The following CHST15 variants were observed in gnomAD, a reference collection of about 807,000 sequenced individuals.
CHST15 encodes carbohydrate sulfotransferase 15, also known as B cell RAG associated protein (GALNAC4S-6ST).
A neutral mutation model predicts 53.6 loss-of-function variants in CHST15; 30 were observed. That is an observed-to-expected ratio of 0.56 (90% confidence interval 0.42 to 0.76). CHST15 has a LOEUF of 0.76. Among genes scored for constraint, CHST15 ranks in the 30% least tolerant of loss-of-function variants. The pLI, the probability that CHST15 is intolerant of heterozygous loss-of-function variation, is 0.00. For synonymous variants in CHST15, 296 were observed against 289.8 expected (o/e 1.02, Z -0.22); for missense variants, 627 against 740.5 (o/e 0.85, Z 1.78).
At chr10:124,014,558 G>A (rs890792297) in intron 6 of CHST15, among the ~76,000 whole-genome samples, 41 of 152,170 alleles carry the variant, frequency 2.7e-4, no homozygotes, top group Admixed American at 7.2e-4. Flanking sequence ...ATAAACATGT[G>A]TTGTCACCTC....
chr10:124,050,527 C>T (rs1432367957), intron 1 of CHST15, among the ~76,000 whole-genome samples: 1 of 152,212 alleles, frequency 6.6e-6, no homozygotes, highest in East Asian at 1.9e-4. Flanking sequence ...TGGCCCCCAC[C>T]CACTGGATGC....
intron 1 of CHST15, among the ~76,000 whole-genome samples, chr10:124,085,821 T>C (rs930278681): frequency 7.9e-5 from 12 of 152,042 alleles, no homozygotes; most frequent in African/African-American, 2.4e-5. Context: ...ATAGCAAGAA[T>C]GACTGGCAAA....
In CHST15 at chr10:124,009,600, T is replaced by A; in HGVS notation, c.*549A>T. The A allele has an allele frequency of 1.0e-6, 1 of 990,138 alleles. No homozygotes were observed. The highest frequency in any genetic ancestry group is 1.2e-6 in the Non-Finnish European group (1 of 832,612). 61.3% of individuals were successfully genotyped at this position (990,138 alleles called of 1,614,324 possible). A position where few individuals can be genotyped will look rare whatever the true frequency, so the allele number is the denominator to read the frequency against. ...ACTGCGGTTCTCTGTCCCAGTGAGG[T>A]TAGCGATCGCAACAAGAGTGTTTCA... On this transcript the variant is annotated 3_prime_UTR_variant, in exon 8 of 8. Coordinates refer to ENST00000435907, the MANE Select transcript of CHST15 (RefSeq NM_001270764.2).
Position 124,009,055 on chromosome 10 carries a change from T to G in CHST15, c.*1094A>C, listed in dbSNP as rs1191787054. On this transcript the variant is annotated 3_prime_UTR_variant, in exon 8 of 8. Transcript: ENST00000435907. ...GACACGAGTATCTATAGTCCCTTGCTGGGTGAGGAACTTTGACCACACGCA... is the reference window on the plus strand; with the variant it reads ...GACACGAGTATCTATAGTCCCTTGCGGGGTGAGGAACTTTGACCACACGCA... 2.3e-6 allele frequency: 3 copies of G among 1,287,358 alleles called. No individual in the cohort carries two copies. The highest frequency in any genetic ancestry group is 3.0e-6 in the Non-Finnish European group (3 of 987,276). 79.7% of individuals were successfully genotyped at this position (1,287,358 alleles called of 1,614,324 possible).
intron 1 of CHST15, among the ~76,000 whole-genome samples, chr10:124,077,922 A>G (rs1949127495): frequency 6.6e-6 from 1 of 152,192 alleles, no homozygotes; most frequent in Non-Finnish European, 1.5e-5. Flanking sequence ...ATTAAAATAC[A>G]CCAGAGCATA....
chr10:124,082,719 T>C (rs1481753385), intron 1 of CHST15, among the ~76,000 whole-genome samples: 1 of 152,192 alleles, frequency 6.6e-6, no homozygotes. Flanking sequence ...ATCCCTGCGA[T>C]GGAATATTAT....
chr10:124,035,080 G>T (rs2133941357), intron 5 of CHST15, among the ~76,000 whole-genome samples: 4 of 132,614 alleles, frequency 3.0e-5, no homozygotes, highest in South Asian at 2.6e-4. Context: ...CCCTAACAGG[G>T]ACGCCGGCTC....
intron 1 of CHST15, among the ~76,000 whole-genome samples, chr10:124,062,450 G>C (rs562584061): frequency 2.4e-4 from 37 of 152,226 alleles, no homozygotes; most frequent in African/African-American, 8.7e-4. Flanking sequence ...GTGTGCCCTC[G>C]GGCAAACTGC....
Position 124,036,143 on chromosome 10 carries a change from G to A in CHST15, c.1190+2372C>T, listed in dbSNP as rs1284009508. 1.3e-5 allele frequency among the ~76,000 whole-genome samples: 2 copies of A among 152,254 alleles called. No individual in the cohort carries two copies. Among genetic ancestry groups the A allele is most frequent in the African/African-American group, 4.8e-5 (2 of 41,466 alleles). ...CGCCCTTCAGCTGGGGGCCGTGTCGGGGAGGGAGGCAGAGCAGCTATGCAA... is the reference window on the plus strand; with the variant it reads ...CGCCCTTCAGCTGGGGGCCGTGTCGAGGAGGGAGGCAGAGCAGCTATGCAA... On this transcript the variant is annotated intron_variant, in intron 5 of 7. Transcript: ENST00000435907. This position sits in a 1 kb window ranked among gnomAD's most constrained non-coding sequence, Gnocchi z 5.1.
In CHST15 at chr10:124,009,343, T is replaced by G; in HGVS notation, c.*806A>C. 5.8e-6 allele frequency: 6 copies of G among 1,034,654 alleles called. No homozygotes were observed. Among genetic ancestry groups the G allele is most frequent in the Non-Finnish European group, 7.0e-6 (6 of 857,164 alleles). 64.1% of individuals were successfully genotyped at this position (1,034,654 alleles called of 1,614,324 possible). ...GAGGCAGCAGAGAGAGAGCCAGGACTGGTTAAATGCAGAAAGTGGTTTTGT... is the reference window on the plus strand; with the variant it reads ...GAGGCAGCAGAGAGAGAGCCAGGACGGGTTAAATGCAGAAAGTGGTTTTGT... On this transcript the variant is annotated 3_prime_UTR_variant, in exon 8 of 8. Transcript: ENST00000435907.
chr10:124,091,951 C>T (rs888809586), intron 1 of CHST15, among the ~76,000 whole-genome samples: 1 of 152,090 alleles, frequency 6.6e-6, no homozygotes, highest in Non-Finnish European at 1.5e-5. Context: ...ACCCGGACAG[C>T]GACGGGGAGG....
At chr10:124,084,550 A>G (rs1949359495) in intron 1 of CHST15, among the ~76,000 whole-genome samples, 2 of 152,160 alleles carry the variant, frequency 1.3e-5, no homozygotes, top group East Asian at 3.9e-4. Flanking sequence ...CAGAGATGAC[A>G]TCCCACCCAC....
At chr10:124,029,101 C>T (rs1258981802) in intron 5 of CHST15, among the ~76,000 whole-genome samples, 1 of 152,148 alleles carries the variant, frequency 6.6e-6, no homozygotes, top group Non-Finnish European at 1.5e-5. Flanking sequence ...TGCTGGCATC[C>T]GAATTTAAAT....
At position 124,042,333 on chromosome 10, in the gene CHST15, T is replaced by C. The variant is rs1234237582; in HGVS notation, c.1001A>G (p.Lys334Arg). The change falls in exon 4 of 8, where the codon AAG becomes AGG. Residue 334 changes from lysine (K) to arginine (R), a missense_variant. Physicochemically the swap from Lys to Arg is conservative, Grantham distance 26 (BLOSUM62 2). This residue lies in a region of CHST15 where 279 missense variants were observed against 371.6 expected (regional missense o/e 0.75). Coordinates refer to ENST00000435907, the MANE Select transcript of CHST15 (RefSeq NM_001270764.2). ...GATTGTATTCATCTTGCTCTGCTCC[T>C]TTGCAGAGCTGGCCTGCAGTCCTTG... is the stretch of plus-strand genomic sequence containing the variant. ...IHQGLQASSA[K>R]EQSKMNTIII... is the part of the protein sequence containing the mutation. 6.2e-7 allele frequency: 1 copy of C among 1,614,034 alleles called. No homozygotes were observed. The highest frequency in any genetic ancestry group is 8.5e-7 in the Non-Finnish European group (1 of 1,179,928).
chr10:124,092,407 C>A (rs965769404), intron 1 of CHST15: 3 of 152,310 alleles, frequency 2.0e-5, no homozygotes, highest in Admixed American at 1.3e-4. Context: ...GCCGGCAACT[C>A]CCGAGTCACG....
At chr10:124,045,139 A>ACAAAAAC (rs1327935928) in intron 2 of CHST15, among the ~76,000 whole-genome samples, 23 of 145,752 alleles carry the variant, frequency 1.6e-4, no homozygotes, top group African/African-American at 5.4e-4. Context: ...AAAAAAAAAA[A>ACAAAAAC]AAAAACTTGG....
chr10:124,042,513 A>G, intron 3 of CHST15, 66 bp from the exon 4 acceptor site: 1 of 1,563,934 alleles, frequency 6.4e-7, no homozygotes. Context: ...ATGGCCTCCC[A>G]GACAGCAACC....
chr10:124,073,925 G>C (rs1043561962), intron 1 of CHST15, among the ~76,000 whole-genome samples: 3 of 152,184 alleles, frequency 2.0e-5, no homozygotes, highest in African/African-American at 4.8e-5. Flanking sequence ...GCTCCTCCTG[G>C]GTGGACTCGG....
At chr10:124,056,872 GAC>G (rs1948402025) in intron 1 of CHST15, among the ~76,000 whole-genome samples, 1 of 151,498 alleles carries the variant, frequency 6.6e-6, no homozygotes, top group East Asian at 1.9e-4. Flanking sequence ...TGTACGACCG[GAC>G]ACTCTGCGGC....
Sources: allele counts gnomAD v4.1 joint callset (sites outside exome capture counted in the v4.1 genomes callset), GRCh38; gene constraint gnomAD v4.1.1; regional missense constraint gnomAD v4.1.1; non-coding constraint Gnocchi (gnomAD v3.1); transcripts MANE v1.5; gene names NCBI Gene and HGNC (gene_info 2026-07-23, HGNC 2026-07-21).